Variants in FSTL4 observed in about 807,000 individuals in gnomAD.
The protein encoded by FSTL4 is follistatin-related protein 4.
A neutral mutation model predicts 78.2 loss-of-function variants in FSTL4; 28 were observed. The observed-to-expected ratio is 0.36, with a 90% confidence interval of 0.27 to 0.49. FSTL4 has a LOEUF of 0.49. FSTL4 is among the 20% of genes least tolerant of loss of function. The pLI, the probability that FSTL4 is intolerant of heterozygous loss-of-function variation, is 0.98. For synonymous variants in FSTL4, 422 were observed against 440.5 expected, an observed-to-expected ratio of 0.96 and a Z score of 0.53; for missense variants, 922 against 1,084.9, an observed-to-expected ratio of 0.85 and a Z score of 2.11.
the FSTL4 span, among the ~76,000 whole-genome samples, chr5:133,708,390 G>T: frequency 2.6e-5 from 4 of 152,088 alleles, no homozygotes; most frequent in African/African-American, 9.7e-5. Flanking sequence ...TCATGGTTGA[G>T]GCTGCTATAC....
chr5:133,617,759 T>A, the FSTL4 span, among the ~76,000 whole-genome samples: 1 of 152,090 alleles, frequency 6.6e-6, no homozygotes, highest in Non-Finnish European at 1.5e-5. Context: ...TAGAAGTAAC[T>A]GGAAGTAAGA....
intron 1 of FSTL4, among the ~76,000 whole-genome samples, chr5:133,610,876 GAC>G (rs1244113910): frequency 6.6e-6 from 1 of 152,124 alleles, no homozygotes; most frequent in Non-Finnish European, 1.5e-5. Flanking sequence ...CACAGATTGT[GAC>G]ACAGGCCCAT....
intron 3 of FSTL4, among the ~76,000 whole-genome samples, chr5:133,403,024 A>G (rs1475839005): frequency 6.6e-6 from 1 of 152,228 alleles, no homozygotes; most frequent in African/African-American, 2.4e-5. Flanking sequence ...CCGCTTTGCC[A>G]TGGAGCATAT....
chr5:133,332,205 GCTCA>G (rs1436060398), intron 4 of FSTL4, among the ~76,000 whole-genome samples: 1 of 152,204 alleles, frequency 6.6e-6, no homozygotes, highest in African/African-American at 2.4e-5. Context: ...CATCTGCACT[GCTCA>G]CTCCCTGAAC....
chr5:133,581,779 C>T (rs73788160), intron 2 of FSTL4, among the ~76,000 whole-genome samples: 3,361 of 152,336 alleles, frequency 0.022, 138 homozygotes, highest in African/African-American at 0.077. Context: ...CAGGCATCAG[C>T]ATTTTTTGAA....
the FSTL4 span, among the ~76,000 whole-genome samples, chr5:133,735,065 C>G: frequency 6.6e-6 from 1 of 152,310 alleles, no homozygotes; most frequent in Admixed American, 6.5e-5. Context: ...GGCCTTGCAG[C>G]ATTGAAGGAA....
chr5:133,747,777 C>G, the FSTL4 span, among the ~76,000 whole-genome samples: 1 of 152,184 alleles, frequency 6.6e-6, no homozygotes, highest in Non-Finnish European at 1.5e-5. Flanking sequence ...TATCTTCTGA[C>G]CTCACCTACG....
In FSTL4 at chr5:133,197,114, G is replaced by A. The variant is rs972867565; in HGVS notation, c.*1981C>T. 1.1e-4 allele frequency: 16 copies of A among 152,314 alleles called. No individual in the cohort carries two copies. The highest frequency in any genetic ancestry group is 6.8e-3 in the Middle Eastern group (2 of 294). The allele number at this position is 152,314 out of a possible 1,614,324, so 9.4% of individuals were successfully genotyped here. A position where few individuals can be genotyped will look rare whatever the true frequency, so the allele number is the denominator to read the frequency against. On this transcript the variant is annotated 3_prime_UTR_variant, in exon 16 of 16. Coordinates refer to ENST00000265342, the MANE Select transcript of FSTL4 (RefSeq NM_015082.2). ...AATCCTGCTGCCCAGAGGGGCTCGT[G>A]TTCTGGTCTGGTAGTTGGTGGGACT...
At chr5:133,473,271 G>A (rs976987967) in intron 3 of FSTL4, among the ~76,000 whole-genome samples, 3 of 152,318 alleles carry the variant, frequency 2.0e-5, no homozygotes, top group East Asian at 1.9e-4. Context: ...CAGGTGACAC[G>A]TCAAAGCATG....
At chr5:133,406,100 A>T (rs918531810) in intron 3 of FSTL4, among the ~76,000 whole-genome samples, 2 of 152,224 alleles carry the variant, frequency 1.3e-5, no homozygotes, top group East Asian at 3.9e-4. Flanking sequence ...GAAGGAAATA[A>T]CCAGGGTGCT....
At chr5:133,355,395 C>T (rs1354552952) in intron 4 of FSTL4, among the ~76,000 whole-genome samples, 21 of 152,308 alleles carry the variant, frequency 1.4e-4, no homozygotes, top group African/African-American at 3.6e-4. Flanking sequence ...TGGTGGCTCA[C>T]GGCGGTAATC....
intron 3 of FSTL4, among the ~76,000 whole-genome samples, chr5:133,563,442 A>C (rs1473029599): frequency 6.6e-6 from 1 of 152,210 alleles, no homozygotes; most frequent in Non-Finnish European, 1.5e-5. Flanking sequence ...CCTCATCCCT[A>C]CTAAAAATTA....
chr5:133,199,596 A>G lies in FSTL4; in HGVS notation c.2028T>C (p.Ser676=), dbSNP rs944828623. 1 of 1,613,952 alleles carries G rather than the reference A, an allele frequency of 6.2e-7. No homozygotes were observed. The highest frequency in any genetic ancestry group is 8.5e-7 in the Non-Finnish European group (1 of 1,179,950). ...TGGGGCCAAGCACAGAGTCTGTGAC[A>G]CTGTCAACGAGCAGCTGTCGGGCAG... ...ASAARQLLVD[S]VTDSVLGPNG... The change falls in exon 16 of 16, where the codon AGT becomes AGC. Residue 676 remains serine (S), a synonymous_variant. Transcript: ENST00000265342. The surrounding 1 kb of genome is among the most constrained non-coding windows in gnomAD (Gnocchi z 4.4).
chr5:133,407,907 T>C (rs1250414556), intron 3 of FSTL4, among the ~76,000 whole-genome samples: 1 of 152,194 alleles, frequency 6.6e-6, no homozygotes, highest in African/African-American at 2.4e-5. Flanking sequence ...GAGCCCACAG[T>C]GCAGACGCTG....
rs1039781878 is a variant in FSTL4, at chr5:133,507,789, G to C, written c.160+59397C>G. Reference sequence around the variant, plus strand: ...GCCCTCCTCGGCCTCCTAAAGTGCTGGGGTTACAGGCATGAGCCACTGCGC... The same window carrying C: ...GCCCTCCTCGGCCTCCTAAAGTGCTCGGGTTACAGGCATGAGCCACTGCGC... On this transcript the variant is annotated intron_variant, in intron 3 of 15. Transcript: ENST00000265342. Among the ~76,000 whole-genome samples, 93 of 151,626 alleles carry C rather than the reference G, an allele frequency of 6.1e-4. 1 individual carries two copies. Among genetic ancestry groups the C allele is most frequent in the African/African-American group, 2.2e-3 (92 of 41,228 alleles).
At chr5:133,687,443 C>T in the FSTL4 span, among the ~76,000 whole-genome samples, 2 of 152,112 alleles carry the variant, frequency 1.3e-5, no homozygotes, top group African/African-American at 4.8e-5. Context: ...CTTTCAATCC[C>T]GCAAGAGGTG....
At chr5:133,285,675 G>T (rs1753111589) in intron 6 of FSTL4, among the ~76,000 whole-genome samples, 1 of 152,204 alleles carries the variant, frequency 6.6e-6, no homozygotes, top group Non-Finnish European at 1.5e-5. Flanking sequence ...AAAGCTCCCA[G>T]CTGTGGAGTC....
intron 4 of FSTL4, among the ~76,000 whole-genome samples, chr5:133,377,092 C>T (rs2126949349): frequency 6.6e-6 from 1 of 152,154 alleles, no homozygotes; most frequent in African/African-American, 2.4e-5. Flanking sequence ...GGTCAGGATG[C>T]CAGCACAACT....
the FSTL4 span, among the ~76,000 whole-genome samples, chr5:133,811,505 A>G: frequency 6.6e-6 from 1 of 152,200 alleles, no homozygotes; most frequent in Admixed American, 6.5e-5. Flanking sequence ...CCCAAGAAGC[A>G]TGTCTTACAC....
Sources: gnomAD v4.1 joint callset for allele counts (sites outside exome capture counted in the v4.1 genomes callset) on GRCh38, gnomAD v4.1.1 for gene constraint, Gnocchi (gnomAD v3.1) non-coding constraint, MANE v1.5 for transcripts, NCBI Gene and HGNC (gene_info 2026-07-23, HGNC 2026-07-21) for gene names.